The following ZDHHC11 variants were observed in gnomAD, a reference collection of about 807,000 sequenced individuals.
ZDHHC11 encodes the protein palmitoyltransferase ZDHHC11.
In ZDHHC11, 44 loss-of-function variants were observed where a neutral mutation model predicts 51.3. That is an observed-to-expected ratio of 0.86 (90% CI 0.67 to 1.10). The LOEUF (loss-of-function observed/expected upper bound fraction) is 1.10, where lower values mean the gene tolerates loss of function less well. Among genes scored for constraint, ZDHHC11 ranks in the 50% least tolerant of loss-of-function variants. The pLI, the probability that ZDHHC11 is intolerant of heterozygous loss-of-function variation, is 0.00. For missense variants in ZDHHC11, 400 were observed against 537.7 expected (o/e 0.74, Z 2.53); for synonymous variants, 163 against 222.0 (o/e 0.73, Z 2.36).
At chr5:809,404 T>C (rs1739789950) in intron 11 of ZDHHC11, among the ~76,000 whole-genome samples, 1 of 143,874 alleles carries the variant, frequency 7.0e-6, no homozygotes, top group South Asian at 2.2e-4. Context: ...GCCTTTGGTG[T>C]CAGCTCCCAA....
intron 9 of ZDHHC11, 83 bp downstream of exon 9, chr5:821,778 T>A (rs1741600890): frequency 1.5e-6 from 2 of 1,357,500 alleles, no homozygotes; most frequent in Non-Finnish European, 2.0e-6. Context: ...GGATGACATA[T>A]TTTCCTAAGT....
chr5:833,257 C>T (rs1269347583), intron 7 of ZDHHC11, among the ~76,000 whole-genome samples: 37 of 152,194 alleles, frequency 2.4e-4, no homozygotes, highest in African/African-American at 8.2e-4. Flanking sequence ...TAAAACGAAC[C>T]GCACTGCACA....
chr5:856,449 ACACAC>A lies in ZDHHC11; in HGVS notation c.-1+2420_-1+2424del, dbSNP rs577349768. Among the ~76,000 whole-genome samples, 139 of 151,496 alleles carry A rather than the reference ACACAC, an allele frequency of 9.2e-4. 1 individual carries two copies. Among genetic ancestry groups the A allele is most frequent in the Middle Eastern group, 3.4e-3 (1 of 290 alleles). ...CCACACAACACACATCATACAGATT[ACACAC>A]CACACCACACGAAACACACGAGACC... is the stretch of plus-strand genomic sequence containing the variant. On this transcript the variant is annotated intron_variant, in intron 1 of 3. Coordinates refer to the ZDHHC11 transcript ENST00000685990.
intron 5 of ZDHHC11, among the ~76,000 whole-genome samples, chr5:839,276 A>G (rs1744391450): frequency 2.1e-5 from 2 of 93,978 alleles, no homozygotes; most frequent in African/African-American, 4.5e-5. Context: ...TAAGGGTTTC[A>G]GCTTCAGGAA....
Position 795,986 on chromosome 5 carries a change from A to G in ZDHHC11, c.*602T>C, listed in dbSNP as rs1737521070. ...GCCCATTTCCCAGTACTGTGCTCCCATTTCTCAGTAGTGTACTCCCATTTC... is the reference window on the plus strand; with the variant it reads ...GCCCATTTCCCAGTACTGTGCTCCCGTTTCTCAGTAGTGTACTCCCATTTC... On this transcript the variant is annotated 3_prime_UTR_variant, in exon 13 of 13. Coordinates refer to ENST00000283441, the MANE Select transcript of ZDHHC11 (RefSeq NM_024786.3). The G allele has an allele frequency of 6.6e-6, 1 of 150,996 alleles. No homozygotes were observed. The highest frequency in any genetic ancestry group is 2.5e-5 in the African/African-American group (1 of 39,456). The allele number at this position is 150,996 out of a possible 1,614,324, so 9.4% of individuals were successfully genotyped here. A position where few individuals can be genotyped will look rare whatever the true frequency, so the allele number is the denominator to read the frequency against.
Position 847,395 on chromosome 5 carries a change from G to C in ZDHHC11, c.503+119C>G, listed in dbSNP as rs1358247728. ...ACCAAGCGCCACCACATCAGGACAG[G>C]GACGCGGCCCCAAGAGGACCCTCCA... On this transcript the variant is annotated intron_variant, in intron 3 of 12. Coordinates refer to ENST00000283441, the MANE Select transcript of ZDHHC11 (RefSeq NM_024786.3). 6.8e-6 allele frequency: 10 copies of C among 1,479,612 alleles called. 1 individual carries two copies. The South Asian group carries it at 1.2e-4, about 18-fold the overall frequency. The allele number at this position is 1,479,612 out of a possible 1,614,324, so 91.7% of individuals were successfully genotyped here. A position where few individuals can be genotyped will look rare whatever the true frequency, so the allele number is the denominator to read the frequency against.
chr5:849,970 A>T (rs748532007), intron 1 of ZDHHC11, among the ~76,000 whole-genome samples: 5 of 152,244 alleles, frequency 3.3e-5, no homozygotes, highest in Non-Finnish European at 7.3e-5. Flanking sequence ...AGTGTGGCCT[A>T]AGCTTGGCAT....
intron 1 of ZDHHC11, chr5:849,768 C>G (rs999957348): frequency 6.6e-6 from 1 of 152,624 alleles, no homozygotes; most frequent in Non-Finnish European, 1.5e-5. Context: ...GTGCCTGGGA[C>G]GTCAGCTCCC....
intron 11 of ZDHHC11, among the ~76,000 whole-genome samples, chr5:806,177 T>C (rs1328617128): frequency 4.0e-5 from 6 of 151,124 alleles, no homozygotes; most frequent in African/African-American, 4.9e-5. Context: ...AGTAAGATGA[T>C]AAGAAATTAG....
chr5:850,154 C>G (rs867670677), intron 1 of ZDHHC11: 3 of 571,748 alleles, frequency 5.2e-6, no homozygotes, highest in East Asian at 5.9e-5. Context: ...GACAGATTCC[C>G]TCTCCGGAGC....
At chr5:828,331 C>G (rs1454116725) in intron 7 of ZDHHC11, among the ~76,000 whole-genome samples, 3 of 151,140 alleles carry the variant, frequency 2.0e-5, no homozygotes, top group Admixed American at 6.6e-5. Context: ...AGGCACCCCC[C>G]ACCTCCCAGA....
chr5:811,221 G>A (rs2150310857), intron 11 of ZDHHC11, among the ~76,000 whole-genome samples: 1 of 139,532 alleles, frequency 7.2e-6, no homozygotes, highest in African/African-American at 2.8e-5. Context: ...AGGAGAAAAT[G>A]TCTTAGTTTT....
intron 10 of ZDHHC11, among the ~76,000 whole-genome samples, chr5:818,262 T>A (rs1282493855): frequency 6.6e-6 from 1 of 151,360 alleles, no homozygotes; most frequent in African/African-American, 2.4e-5. Flanking sequence ...GAAAATCCTG[T>A]GAGCCTGTGT....
At chr5:804,029 T>G (rs1738879783) in intron 11 of ZDHHC11, among the ~76,000 whole-genome samples, 1 of 149,788 alleles carries the variant, frequency 6.7e-6, no homozygotes, top group South Asian at 2.1e-4. Flanking sequence ...TACCAACATA[T>G]GCAACATAGG....
intron 1 of ZDHHC11, 125 bp downstream of exon 1, chr5:850,256 T>C: frequency 9.0e-7 from 1 of 1,105,758 alleles, no homozygotes; most frequent in Non-Finnish European, 1.3e-6. Context: ...TCAGGGGACA[T>C]AGTCTGGCCC....
At chr5:852,488 G>A (rs1181296183), upstream of ZDHHC11, among the ~76,000 whole-genome samples, 1 of 152,252 alleles carries the variant, frequency 6.6e-6, no homozygotes, top group African/African-American at 2.4e-5. Context: ...AGCAAGCCAG[G>A]GAGACAGACC....
At chr5:829,766 C>T (rs1215793329) in intron 7 of ZDHHC11, among the ~76,000 whole-genome samples, 2 of 151,482 alleles carry the variant, frequency 1.3e-5, no homozygotes, top group Non-Finnish European at 2.9e-5. Context: ...CCGAATCAAA[C>T]AGCATAGCAA....
upstream of ZDHHC11, among the ~76,000 whole-genome samples, chr5:860,552 G>A (rs755533630): frequency 6.6e-6 from 1 of 151,988 alleles, no homozygotes; most frequent in Non-Finnish European, 1.5e-5. The surrounding 1 kb of genome is among the most constrained non-coding windows in gnomAD (Gnocchi z 4.2). Flanking sequence ...ACCTGAGACG[G>A]AGTAATTTTA....
rs749188034 is a variant in ZDHHC11 at position 843,702 on chromosome 5, A to C, written c.526T>G (p.Ser176Ala). ...NYWFFFSTVA[S>A]ATAGMLCLIA... The stretch of plus-strand genomic sequence containing the variant: ...AGGCAGAGCATGCCAGCTGTGGCCG[A>C]GGCCACAGTGCTGAAGAAGAACCTG... The change falls in exon 4 of 13, where the codon TCG (serine) becomes GCG (alanine). Residue 176 changes from serine (S) to alanine (A), a missense_variant. Transcript: ENST00000283441. The C allele has an allele frequency of 5.0e-6, 8 of 1,591,462 alleles. No individual in the cohort carries two copies. The Admixed American group carries it at 8.5e-5, about 17-fold the overall frequency.
Sources: allele counts gnomAD v4.1 joint callset (sites outside exome capture counted in the v4.1 genomes callset), GRCh38; gene constraint gnomAD v4.1.1; non-coding constraint Gnocchi (gnomAD v3.1); transcripts MANE v1.5; gene names NCBI Gene and HGNC (gene_info 2026-07-23, HGNC 2026-07-21).